Variants in SYNRG observed in about 807,000 individuals in gnomAD.
The protein encoded by SYNRG is synergin gamma.
In SYNRG, 37 loss-of-function variants were observed where a neutral mutation model predicts 130.9. The ratio of observed to expected loss-of-function variants is 0.28; its 90% confidence interval spans 0.22 to 0.37. The LOEUF (loss-of-function observed/expected upper bound fraction) is 0.37, where lower values mean the gene tolerates loss of function less well. Among genes scored for constraint, SYNRG ranks in the 10% least tolerant of loss-of-function variants. SYNRG has a pLI of 1.00. For missense variants in SYNRG, 1,338 were observed against 1,588.9 expected, an observed-to-expected ratio of 0.84 and a Z score of 2.68; for synonymous variants, 539 against 568.1, an observed-to-expected ratio of 0.95 and a Z score of 0.73.
intron 6 of SYNRG, among the ~76,000 whole-genome samples, chr17:37,581,372 G>A (rs1288421851): frequency 6.6e-6 from 1 of 151,952 alleles, no homozygotes; most frequent in Non-Finnish European, 1.5e-5. Context: ...CTGCCTCCCA[G>A]GTTCAAGTGA....
At chr17:37,528,780 A>G (rs540413340) in intron 19 of SYNRG, among the ~76,000 whole-genome samples, 1 of 152,342 alleles carries the variant, frequency 6.6e-6, no homozygotes, top group East Asian at 1.9e-4. Context: ...GTAACACCTT[A>G]CACTATTTCT....
intron 1 of SYNRG, among the ~76,000 whole-genome samples, chr17:37,608,718 C>A (rs969040917): frequency 6.6e-6 from 1 of 152,128 alleles, no homozygotes; most frequent in Non-Finnish European, 1.5e-5. Flanking sequence ...TATCTCAAGA[C>A]CATTACTAAT....
intron 14 of SYNRG, among the ~76,000 whole-genome samples, chr17:37,544,714 C>A (rs1337115477): frequency 1.3e-5 from 2 of 151,934 alleles, no homozygotes; most frequent in African/African-American, 4.8e-5. Flanking sequence ...TTTTTTTCCC[C>A]ACGATTTAAA....
chr17:37,536,839 G>C (rs946179659), intron 18 of SYNRG: 23 of 152,366 alleles, frequency 1.5e-4, no homozygotes, highest in African/African-American at 4.8e-4. Context: ...ACAGCCACCA[G>C]ACACATCCCT....
At chr17:37,606,821 C>A (rs1293139610) in intron 1 of SYNRG, among the ~76,000 whole-genome samples, 3 of 152,094 alleles carry the variant, frequency 2.0e-5, no homozygotes, top group Non-Finnish European at 4.4e-5. Context: ...AGAGAAGTAT[C>A]TAAACAATAC....
chr17:37,540,015 G>C (rs2057595353), intron 16 of SYNRG, among the ~76,000 whole-genome samples: 1 of 152,200 alleles, frequency 6.6e-6, no homozygotes, highest in Non-Finnish European at 1.5e-5. Flanking sequence ...GTGGCACTAA[G>C]ATGCAGCAGA....
At chr17:37,575,403 G>C (rs2060739666) in intron 8 of SYNRG, among the ~76,000 whole-genome samples, 1 of 151,870 alleles carries the variant, frequency 6.6e-6, no homozygotes, top group Non-Finnish European at 1.5e-5. Flanking sequence ...CTGTATCAAA[G>C]TATCTCATGT....
In SYNRG at chr17:37,516,764, A is replaced by G. The variant is rs2054456891; in HGVS notation, c.*2176T>C. 1 of 150,734 alleles carries G rather than the reference A, an allele frequency of 6.6e-6. No homozygotes were observed. The highest frequency in any genetic ancestry group is 2.1e-4 in the South Asian group (1 of 4,800). The allele number at this position is 150,734 out of a possible 1,614,324, so 9.3% of individuals were successfully genotyped here. On this transcript the variant is annotated 3_prime_UTR_variant, in exon 22 of 22. Coordinates refer to ENST00000612223, the MANE Select transcript of SYNRG (RefSeq NM_007247.6). ...GACTTGTGATCTCCCGCCTCAGCTT[A>G]CCTAGTAGCTGGGACCACGAATGTC...
chr17:37,600,709 C>T (rs2063196615), intron 1 of SYNRG: 1 of 483,814 alleles, frequency 2.1e-6, no homozygotes, highest in Non-Finnish European at 3.7e-6. Context: ...AGATTCAATT[C>T]AGTCAACATC....
At chr17:37,594,240 TATTA>T (rs1335455826) in intron 3 of SYNRG, among the ~76,000 whole-genome samples, 6 of 144,848 alleles carry the variant, frequency 4.1e-5, no homozygotes, top group African/African-American at 7.6e-5. Context: ...TTAATTACAA[TATTA>T]ATTATTTTAA....
At chr17:37,524,588 T>C (rs918585330) in intron 19 of SYNRG, among the ~76,000 whole-genome samples, 1 of 152,262 alleles carries the variant, frequency 6.6e-6, no homozygotes, top group Non-Finnish European at 1.5e-5. Context: ...ATTTTTTCTT[T>C]TCTCTCTTTT....
intron 19 of SYNRG, among the ~76,000 whole-genome samples, chr17:37,535,380 T>G (rs879453643): frequency 6.6e-6 from 1 of 152,210 alleles, no homozygotes; most frequent in African/African-American, 2.4e-5. Flanking sequence ...TCTGGTAGCA[T>G]TGCAACCAAT....
rs1451327517 is a variant in SYNRG at position 37,568,798 on chromosome 17, C to A, written c.1474G>T (p.Gly492Ter). The A allele has an allele frequency of 6.2e-7, 1 of 1,613,300 alleles. No individual in the cohort carries two copies. The highest frequency in any genetic ancestry group is 2.2e-5 in the East Asian group (1 of 44,860). The part of the protein sequence containing the change: ...ASSKTSNSQH[G>*]NSAPSLLMPL... ...TATTAAACTCTTTTCTACCTGTTTC[C>A]ATGCTGGGAGTTACTTGTTTTTGAA... Residue 492 changes from glycine (G) to a stop codon, truncating the protein, a stop_gained, in exon 11 of 22, where the codon GGA (glycine) becomes TGA (stop). Coordinates refer to ENST00000612223, the MANE Select transcript of SYNRG (RefSeq NM_007247.6). LOFTEE classifies it high-confidence loss of function.
At chr17:37,539,300 T>C (rs1568312072) in intron 16 of SYNRG, 55 bp from the exon 17 acceptor site, 23 of 1,569,078 alleles carry the variant, frequency 1.5e-5, no homozygotes, top group Non-Finnish European at 1.3e-5. Flanking sequence ...AATCTTCTAT[T>C]GATGACTCTG....
At chr17:37,556,561 C>G (rs1210561005) in intron 13 of SYNRG, among the ~76,000 whole-genome samples, 1 of 148,972 alleles carries the variant, frequency 6.7e-6, no homozygotes, top group Non-Finnish European at 1.5e-5. Context: ...AAAAAAAGCA[C>G]CAAAAACAAT....
At chr17:37,529,356 A>G (rs1478753638) in intron 19 of SYNRG, among the ~76,000 whole-genome samples, 2 of 152,038 alleles carry the variant, frequency 1.3e-5, no homozygotes, top group African/African-American at 4.8e-5. Flanking sequence ...AAAAACAATC[A>G]CACCAGGGAT....
chr17:37,573,430 T>C (rs1160073056), intron 8 of SYNRG, among the ~76,000 whole-genome samples: 1 of 151,944 alleles, frequency 6.6e-6, no homozygotes, highest in Non-Finnish European at 1.5e-5. Context: ...AAAAAAACCA[T>C]ATTTTGACTA....
intron 1 of SYNRG, among the ~76,000 whole-genome samples, chr17:37,603,236 G>A (rs2063446582): frequency 6.6e-6 from 1 of 152,002 alleles, no homozygotes; most frequent in Non-Finnish European, 1.5e-5. Flanking sequence ...GGGTCTGGTG[G>A]CTCACACCTA....
At chr17:37,587,863 T>C (rs966573006) in intron 3 of SYNRG, among the ~76,000 whole-genome samples, 1 of 152,224 alleles carries the variant, frequency 6.6e-6, no homozygotes, top group Non-Finnish European at 1.5e-5. Flanking sequence ...ATGTCCAAAA[T>C]CTGGATGTTA....
Sources: gnomAD v4.1 joint callset for allele counts (sites outside exome capture counted in the v4.1 genomes callset) on GRCh38, gnomAD v4.1.1 for gene constraint, MANE v1.5 for transcripts, NCBI Gene and HGNC (gene_info 2026-07-23, HGNC 2026-07-21) for gene names.